The following VPS18 variants were observed in gnomAD, a reference collection of about 807,000 sequenced individuals.
The protein encoded by VPS18 is VPS18 core subunit of CORVET and HOPS complexes, also known as vacuolar protein sorting-associated protein 18 homolog.
A neutral mutation model predicts 82.0 loss-of-function variants in VPS18; 25 were observed. That is an observed-to-expected ratio of 0.30 (90% CI 0.22 to 0.43). The LOEUF (loss-of-function observed/expected upper bound fraction) is 0.43. VPS18 is among the 20% of genes least tolerant of loss of function. VPS18 has a pLI of 1.00. For missense variants in VPS18, 1,168 were observed against 1,311.1 expected (o/e 0.89, Z 1.69); for synonymous variants, 523 against 543.0 (o/e 0.96, Z 0.51).
chr15:40,898,770 C>T, intron 2 of VPS18, 137 bp from the exon 3 acceptor site: 1 of 945,354 alleles, frequency 1.1e-6, no homozygotes, highest in Non-Finnish European at 1.6e-6. Flanking sequence ...GTGCACCTGG[C>T]CTGTATTCAG....
chr15:40,901,443 C>T (rs940614536), intron 4 of VPS18, among the ~76,000 whole-genome samples: 7 of 151,484 alleles, frequency 4.6e-5, no homozygotes, highest in East Asian at 1.9e-4. Context: ...AAAAATTAGC[C>T]GGACATTGTG....
At chr15:40,895,898 C>G in intron 1 of VPS18, 40 bp from the exon 2 acceptor site, 1 of 1,612,418 alleles carries the variant, frequency 6.2e-7, no homozygotes, top group Non-Finnish European at 8.5e-7. Context: ...CTTCACCTGT[C>G]TCTTCCACAG....
rs756445921 is a variant in VPS18, at chr15:40,899,828, T to C, written c.1010T>C (p.Leu337Pro). ...AIVLTQFHFL[L>P]LLADRVEAVC... ...GTCTTGACCCAGTTCCACTTCCTGC[T>C]GCTACTGGCAGACCGGGTGGAGGCA... is the stretch of plus-strand genomic sequence containing the variant. The change falls in exon 4 of 5, where the codon CTG (leucine) becomes CCG (proline). Residue 337 changes from leucine to proline, a missense_variant. Coordinates refer to ENST00000220509, the MANE Select transcript of VPS18 (RefSeq NM_020857.3). The surrounding 1 kb of genome is among the most constrained non-coding windows in gnomAD (Gnocchi z 4.4). 6.2e-7 allele frequency: 1 copy of C among 1,609,744 alleles called. No homozygotes were observed. The highest frequency in any genetic ancestry group is 1.1e-5 in the South Asian group (1 of 91,092).
chr15:40,894,737 GC>G lies in VPS18; in HGVS notation c.-28del. 1 of 1,536,036 alleles carries G rather than the reference GC, an allele frequency of 6.5e-7. No homozygotes were observed. The highest frequency in any genetic ancestry group is 8.8e-7 in the Non-Finnish European group (1 of 1,138,466). On this transcript the variant is annotated 5_prime_UTR_variant, in exon 1 of 5. Coordinates refer to ENST00000220509, the MANE Select transcript of VPS18 (RefSeq NM_020857.3). ...GGGGTAGCCCTTTTGTAATCCCCAG[GC>G]CCCGGACAAAGAGCCCAGAGGCCGG...
In VPS18 at chr15:40,902,187, A is replaced by G. The variant is rs1892370977; in HGVS notation, c.2197-429A>G. ...GAGTGCAGTGGCCCAATCTCGGCTC[A>G]CTGCAAGCTCAGCCTCCCAGGTTCA... On this transcript the variant is annotated intron_variant, in intron 4 of 4. Transcript: ENST00000220509. The surrounding 1 kb of genome is among the most constrained non-coding windows in gnomAD (Gnocchi z 4.2). 6.7e-6 allele frequency among the ~76,000 whole-genome samples: 1 copy of G among 148,728 alleles called. No individual in the cohort carries two copies. Among genetic ancestry groups the G allele is most frequent in the Admixed American group, 6.8e-5 (1 of 14,662 alleles).
chr15:40,896,412 G>C (rs897431507), intron 2 of VPS18, among the ~76,000 whole-genome samples: 8 of 151,974 alleles, frequency 5.3e-5, no homozygotes, highest in Non-Finnish European at 8.8e-5. Context: ...AGGTGTGATG[G>C]TGCAGTCCCA....
Position 40,900,281 on chromosome 15 carries a change from C to T in VPS18, c.1463C>T (p.Ala488Val). ...TTGAAGCCAGCCGAACGTACCCAGG[C>T]CACACTGCTGACCACCTGGCTGACA... ...ASLKPAERTQ[A>V]TLLTTWLTEL... Residue 488 changes from alanine to valine, a missense_variant, in exon 4 of 5, where the codon GCC (alanine) becomes GTC (valine). Coordinates refer to ENST00000220509, the MANE Select transcript of VPS18 (RefSeq NM_020857.3). This position sits in a 1 kb window ranked among gnomAD's most constrained non-coding sequence, Gnocchi z 5.4. 6 of 1,613,802 alleles carry T rather than the reference C, an allele frequency of 3.7e-6. No homozygotes were observed. Among genetic ancestry groups the T allele is most frequent in the African/African-American group, 1.3e-5 (1 of 75,046 alleles).
At position 40,894,473 on chromosome 15, in the gene VPS18, G is replaced by C. The variant is rs1326976728; in HGVS notation, c.-296G>C. 3.2e-6 allele frequency: 1 copy of C among 308,288 alleles called. No homozygotes were observed. Among genetic ancestry groups the C allele is most frequent in the African/African-American group, 2.2e-5 (1 of 46,468 alleles). 19.1% of individuals were successfully genotyped at this position (308,288 alleles called of 1,614,324 possible). Reference sequence around the variant, plus strand: ...GGAGTCAGCTGAGCTGCCGGGGCGAGGTTGGGATCACCTGGCACCGGCTGA... The same window carrying C: ...GGAGTCAGCTGAGCTGCCGGGGCGACGTTGGGATCACCTGGCACCGGCTGA... On this transcript the variant is annotated 5_prime_UTR_variant, in exon 1 of 5. Transcript: ENST00000220509.
In VPS18 at chr15:40,903,765, C is replaced by T. The variant is rs1325619091; in HGVS notation, c.*424C>T. ...CCAGCTCTTCTCTCTCAGAAGAAGCCTTCTCTTCCTCCTGCCTGTAGGTGT... is the reference window on the plus strand; with the variant it reads ...CCAGCTCTTCTCTCTCAGAAGAAGCTTTCTCTTCCTCCTGCCTGTAGGTGT... On this transcript the variant is annotated 3_prime_UTR_variant, in exon 5 of 5. Transcript: ENST00000220509. The T allele has an allele frequency of 6.3e-6, 1 of 157,974 alleles. No homozygotes were observed. The highest frequency in any genetic ancestry group is 2.4e-5 in the African/African-American group (1 of 41,630). The allele number at this position is 157,974 out of a possible 1,614,324, so 9.8% of individuals were successfully genotyped here.
rs749533882 is a variant in VPS18, at chr15:40,899,895, C to T, written c.1077C>T (p.Phe359=). ...LTGQVVLRDH[F]LEKFGPLKHM... Reference sequence around the variant, plus strand: ...GGCAGGTGGTGCTGCGGGATCACTTCCTGGAGAAATTTGGGCCGCTGAAGC... The same window carrying T: ...GGCAGGTGGTGCTGCGGGATCACTTTCTGGAGAAATTTGGGCCGCTGAAGC... The change falls in exon 4 of 5, where the codon TTC becomes TTT. Residue 359 remains phenylalanine, a synonymous_variant. Coordinates refer to ENST00000220509, the MANE Select transcript of VPS18 (RefSeq NM_020857.3). This position sits in a 1 kb window ranked among gnomAD's most constrained non-coding sequence, Gnocchi z 4.4. The T allele has an allele frequency of 3.7e-6, 6 of 1,610,856 alleles. No individual in the cohort carries two copies. Among genetic ancestry groups the T allele is most frequent in the Admixed American group, 3.3e-5 (2 of 60,028 alleles).
rs778448340 is a variant in VPS18, at chr15:40,900,677, G to A, written c.1859G>A (p.Arg620Gln). Residue 620 changes from arginine (R) to glutamine (Q), a missense_variant, in exon 4 of 5, where the codon CGG becomes CAG. Physicochemically the swap from Arg to Gln is conservative, Grantham distance 43. Transcript: ENST00000220509. This position sits in a 1 kb window ranked among gnomAD's most constrained non-coding sequence, Gnocchi z 5.4. Reference sequence around the variant, plus strand: ...GATGCCTGGATTGAGATGGGCAGCCGGCTGGATGCTCGTCAGCTCATTCCT... The same window carrying A: ...GATGCCTGGATTGAGATGGGCAGCCAGCTGGATGCTCGTCAGCTCATTCCT... ...LVDAWIEMGS[R>Q]LDARQLIPAL... The A allele has an allele frequency of 1.2e-5, 20 of 1,614,030 alleles. No homozygotes were observed. Among genetic ancestry groups the A allele is most frequent in the African/African-American group, 2.7e-5 (2 of 74,908 alleles).
Position 40,903,403 on chromosome 15 carries a change from A to T in VPS18, c.*62A>T. On this transcript the variant is annotated 3_prime_UTR_variant, in exon 5 of 5. Transcript: ENST00000220509. ...AGCAGTGGCTTGAACCCACTTGAGA[A>T]GGCTGCCTCCTAGGCTCTGCTCAGT... 3.3e-6 allele frequency: 5 copies of T among 1,507,378 alleles called. No homozygotes were observed. Among genetic ancestry groups the T allele is most frequent in the Non-Finnish European group, 4.4e-6 (5 of 1,129,436 alleles). The allele number at this position is 1,507,378 out of a possible 1,614,324, so 93.4% of individuals were successfully genotyped here. A position where few individuals can be genotyped will look rare whatever the true frequency, so the allele number is the denominator to read the frequency against.
chr15:40,896,532 CAG>C (rs1413778485), intron 2 of VPS18, among the ~76,000 whole-genome samples: 1 of 146,894 alleles, frequency 6.8e-6, no homozygotes, highest in Non-Finnish European at 1.5e-5. Context: ...AAAAAAAAGT[CAG>C]GTGCAGTGGC....
Position 40,902,867 on chromosome 15 carries a change from C to G in VPS18, c.2448C>G (p.Ile816Met). 6.2e-7 allele frequency: 1 copy of G among 1,614,282 alleles called. No homozygotes were observed. The highest frequency in any genetic ancestry group is 8.5e-7 in the Non-Finnish European group (1 of 1,180,050). The change falls in exon 5 of 5, where the codon ATC (isoleucine) becomes ATG (methionine). Residue 816 changes from isoleucine to methionine, a missense_variant. Coordinates refer to ENST00000220509, the MANE Select transcript of VPS18 (RefSeq NM_020857.3). The surrounding 1 kb of genome is among the most constrained non-coding windows in gnomAD (Gnocchi z 4.2). ...CSSLKAYNHHIQELQREMEEA... is the reference protein window; with the variant it reads ...CSSLKAYNHHMQELQREMEEA... ...CACTTAAGGCCTACAACCACCACATCCAGGAGCTGCAGCGGGAGATGGAAG... is the reference window on the plus strand; with the variant it reads ...CACTTAAGGCCTACAACCACCACATGCAGGAGCTGCAGCGGGAGATGGAAG...
At position 40,894,774 on chromosome 15, in the gene VPS18, G is replaced by A. The variant is rs764486412; in HGVS notation, c.6G>A (p.Ala2=). 5.7e-5 allele frequency: 88 copies of A among 1,549,460 alleles called. No individual in the cohort carries two copies. In the East Asian group the frequency reaches 1.8e-3, roughly 31 times the overall value. The change falls in exon 1 of 5, where the codon GCG becomes GCA. Residue 2 remains alanine (A), a synonymous_variant. Coordinates refer to ENST00000220509, the MANE Select transcript of VPS18 (RefSeq NM_020857.3). M[A]SILDEYENSL... ...GAGCCCAGAGGCCGGGCACCATGGC[G>A]TCCATCCTGGATGAGTACGAGAACT...
intron 2 of VPS18, among the ~76,000 whole-genome samples, chr15:40,897,901 A>G (rs16971188): frequency 0.038 from 5,802 of 152,296 alleles, 171 homozygotes; most frequent in East Asian, 0.094. Flanking sequence ...ATTTCTCAAA[A>G]TAAGGTGAGG....
rs1220601600 is a variant in VPS18 at position 40,899,212 on chromosome 15, C to T, written c.394C>T (p.Arg132Trp). The T allele has an allele frequency of 2.5e-6, 4 of 1,614,198 alleles. No homozygotes were observed. The highest frequency in any genetic ancestry group is 1.7e-5 in the Admixed American group (1 of 60,028). The change falls in exon 4 of 5, where the codon CGG (arginine) becomes TGG (tryptophan). Residue 132 changes from arginine (R) to tryptophan (W), a missense_variant. Coordinates refer to ENST00000220509, the MANE Select transcript of VPS18 (RefSeq NM_020857.3). This position sits in a 1 kb window ranked among gnomAD's most constrained non-coding sequence, Gnocchi z 4.4. ...CGTGAACCGAAATGGACAGAAGGTA[C>T]GGCCACTAGCACGCTGGAAGGGGCA... ...LYVNRNGQKVRPLARWKGQLV... is the reference protein window; with the variant it reads ...LYVNRNGQKVWPLARWKGQLV...
intron 1 of VPS18, among the ~76,000 whole-genome samples, chr15:40,895,574 C>T (rs1028475190): frequency 1.3e-5 from 2 of 152,186 alleles, no homozygotes; most frequent in Non-Finnish European, 2.9e-5. Flanking sequence ...TGGGGCTATA[C>T]TACTTCAGTT....
rs761880435 is a variant in VPS18, at chr15:40,902,825, G to A, written c.2406G>A (p.Lys802=). 9.9e-6 allele frequency: 16 copies of A among 1,614,132 alleles called. No individual in the cohort carries two copies. The highest frequency in any genetic ancestry group is 1.4e-5 in the Non-Finnish European group (16 of 1,180,054). The change falls in exon 5 of 5, where the codon AAG becomes AAA. Residue 802 remains lysine (K), a synonymous_variant. Transcript: ENST00000220509. The surrounding 1 kb of genome is among the most constrained non-coding windows in gnomAD (Gnocchi z 4.2). ...ATTTCGTCACCATCGACCACTTCAA[G>A]GAGGCGATCTGCAGCTCACTTAAGG... The part of the protein sequence containing the change: ...FPDFVTIDHF[K]EAICSSLKAY...
Sources: gnomAD v4.1 joint callset for allele counts (sites outside exome capture counted in the v4.1 genomes callset) on GRCh38, gnomAD v4.1.1 for gene constraint, Gnocchi (gnomAD v3.1) non-coding constraint, MANE v1.5 for transcripts, NCBI Gene and HGNC (gene_info 2026-07-23, HGNC 2026-07-21) for gene names.